The following ARL15 variants were observed in gnomAD, a reference collection of about 807,000 sequenced individuals.
ARL15 encodes the protein ADP-ribosylation factor-like protein 15.
In ARL15, 19 loss-of-function variants were observed where a neutral mutation model predicts 25.2. The ratio of observed to expected loss-of-function variants is 0.75; its 90% CI spans 0.53 to 1.10. The LOEUF is 1.10. ARL15 is among the 50% of genes least tolerant of loss of function. The pLI, the probability that ARL15 is intolerant of heterozygous loss-of-function variation, is 0.00. For missense variants in ARL15, 220 were observed against 246.0 expected, an observed-to-expected ratio of 0.89 and a Z score of 0.71; for synonymous variants, 94 against 86.8, an observed-to-expected ratio of 1.08 and a Z score of -0.46.
intron 1 of ARL15, among the ~76,000 whole-genome samples, chr5:54,293,087 A>G (rs968854855): frequency 1.3e-5 from 2 of 152,162 alleles, no homozygotes; most frequent in Non-Finnish European, 2.9e-5. Flanking sequence ...GGGTGGGGGG[A>G]AAGATCAAGT....
intron 4 of ARL15, among the ~76,000 whole-genome samples, chr5:53,928,731 C>T (rs1219158131): frequency 2.0e-5 from 3 of 152,160 alleles, no homozygotes; most frequent in South Asian, 2.1e-4. Flanking sequence ...AAGTGGCTGT[C>T]GGGTGATTGG....
chr5:54,021,240 C>T (rs1195464668), intron 4 of ARL15, among the ~76,000 whole-genome samples: 1 of 152,128 alleles, frequency 6.6e-6, no homozygotes, highest in Non-Finnish European at 1.5e-5. Context: ...GAGGCTGAGG[C>T]AGGAGAACCG....
chr5:54,141,343 C>T (rs920620412), intron 3 of ARL15, among the ~76,000 whole-genome samples: 6 of 151,730 alleles, frequency 4.0e-5, no homozygotes, highest in African/African-American at 1.2e-4. Context: ...GTTTTCTTTC[C>T]GAGTCCTTTC....
intron 1 of ARL15, among the ~76,000 whole-genome samples, chr5:54,220,082 T>G (rs1368085171): frequency 6.6e-6 from 1 of 152,214 alleles, no homozygotes; most frequent in Non-Finnish European, 1.5e-5. Context: ...CACCTTATTT[T>G]ATGGGTTACT....
intron 4 of ARL15, among the ~76,000 whole-genome samples, chr5:53,974,657 G>A (rs555097007): frequency 1.3e-5 from 2 of 152,248 alleles, no homozygotes; most frequent in African/African-American, 4.8e-5. Context: ...ACATGACATT[G>A]TTCTAATAGT....
At chr5:54,298,887 T>G (rs1035162993) in intron 1 of ARL15, among the ~76,000 whole-genome samples, 1 of 59,136 alleles carries the variant, frequency 1.7e-5, no homozygotes, top group African/African-American at 6.3e-5. Context: ...TGCTGTTGGT[T>G]TTTTGGTTTT....
intron 4 of ARL15, among the ~76,000 whole-genome samples, chr5:53,976,192 G>T (rs1421094882): frequency 6.6e-6 from 1 of 152,186 alleles, no homozygotes; most frequent in Non-Finnish European, 1.5e-5. Context: ...GGGTAGTGTA[G>T]CAGGGGTGAT....
chr5:54,266,053 C>G (rs1372184690), intron 1 of ARL15, among the ~76,000 whole-genome samples: 1 of 152,202 alleles, frequency 6.6e-6, no homozygotes, highest in Non-Finnish European at 1.5e-5. Flanking sequence ...TAAACGGCTC[C>G]ATGTCAGGCT....
intron 1 of ARL15, among the ~76,000 whole-genome samples, chr5:54,175,778 G>A (rs1036979357): frequency 2.0e-5 from 3 of 151,128 alleles, no homozygotes; most frequent in African/African-American, 4.9e-5. Flanking sequence ...TCAGCCTCCC[G>A]AGTAGCTGGG....
chr5:54,095,755 C>T (rs1469927008), intron 4 of ARL15, among the ~76,000 whole-genome samples: 1 of 151,744 alleles, frequency 6.6e-6, no homozygotes, highest in Admixed American at 6.6e-5. Flanking sequence ...CAATTGAGCT[C>T]ATTTGTAAAA....
At chr5:53,929,796 A>G (rs1242368332) in intron 4 of ARL15, among the ~76,000 whole-genome samples, 2 of 152,036 alleles carry the variant, frequency 1.3e-5, no homozygotes, top group African/African-American at 2.4e-5. Context: ...CCCCCCTACA[A>G]GGCAATGGTG....
intron 4 of ARL15, chr5:53,911,998 T>C (rs576552611): frequency 1.3e-5 from 2 of 151,924 alleles, no homozygotes; most frequent in African/African-American, 4.8e-5. Flanking sequence ...TCTATATACC[T>C]TACCATGTGT....
At chr5:53,894,466 G>T (rs1338797142) in intron 4 of ARL15, among the ~76,000 whole-genome samples, 12 of 152,138 alleles carry the variant, frequency 7.9e-5, no homozygotes, top group African/African-American at 2.9e-4. Context: ...TGCTTAATCT[G>T]ATTACCAAGA....
chr5:54,163,479 A>T (rs1161894800), intron 2 of ARL15, among the ~76,000 whole-genome samples: 2 of 148,588 alleles, frequency 1.3e-5, no homozygotes, highest in African/African-American at 5.0e-5. Context: ...ATTTTCTGGA[A>T]GAGACTAAAG....
intron 4 of ARL15, among the ~76,000 whole-genome samples, chr5:54,069,464 G>A (rs111457860): frequency 4.0e-5 from 6 of 149,416 alleles, no homozygotes; most frequent in South Asian, 2.1e-4. Flanking sequence ...CCAGCTACTC[G>A]GGAGGCTTAG....
intron 1 of ARL15, among the ~76,000 whole-genome samples, chr5:54,216,136 G>A (rs917217650): frequency 3.3e-5 from 5 of 152,062 alleles, no homozygotes; most frequent in African/African-American, 9.7e-5. Flanking sequence ...TTTACTTCTC[G>A]CAAATATTTA....
intron 4 of ARL15, among the ~76,000 whole-genome samples, chr5:53,903,739 T>G (rs755347959): frequency 5.3e-5 from 8 of 152,152 alleles, no homozygotes; most frequent in Non-Finnish European, 2.9e-5. Context: ...TCTCTGTGCT[T>G]CTTTCTGGCT....
chr5:54,120,853 T>C (rs894414323), intron 3 of ARL15, among the ~76,000 whole-genome samples: 3 of 152,210 alleles, frequency 2.0e-5, no homozygotes, highest in East Asian at 1.9e-4. Context: ...ATTTGTTGCA[T>C]ACCCAGGATG....
At chr5:54,275,851 AT>A (rs758344540) in intron 1 of ARL15, among the ~76,000 whole-genome samples, 207 of 136,868 alleles carry the variant, frequency 1.5e-3, no homozygotes, top group Middle Eastern at 3.7e-3. Flanking sequence ...CGCCTGGCTA[AT>A]TTTTTTTTTT....
Sources: gnomAD v4.1 joint callset for allele counts (sites outside exome capture counted in the v4.1 genomes callset) on GRCh38, gnomAD v4.1.1 for gene constraint, MANE v1.5 for transcripts, NCBI Gene and HGNC (gene_info 2026-07-23, HGNC 2026-07-21) for gene names.